Variants in SLCO4A1 observed in about 807,000 individuals in gnomAD.
SLCO4A1 encodes solute carrier organic anion transporter family member 4A1, also known as colon organic anion transporter.
Under a neutral mutation model 64.6 loss-of-function variants are expected in SLCO4A1, and 51 were observed. The ratio of observed to expected loss-of-function variants is 0.79; its 90% CI spans 0.63 to 1.00. The LOEUF (loss-of-function observed/expected upper bound fraction) is 1.00. SLCO4A1 is among the 50% of genes least tolerant of loss of function. The pLI is 0.00. For missense variants in SLCO4A1, 919 were observed against 980.5 expected (o/e 0.94, Z 0.84); for synonymous variants, 471 against 444.9 (o/e 1.06, Z -0.74).
downstream of SLCO4A1, among the ~76,000 whole-genome samples, chr20:62,673,369 A>T (rs1372075626): frequency 4.2e-5 from 6 of 143,346 alleles, no homozygotes; most frequent in African/African-American, 1.5e-4. Flanking sequence ...TGCCATGTTC[A>T]TCAGGAGTCC....
chr20:62,646,553 T>G (rs1981370011), intron 1 of SLCO4A1, among the ~76,000 whole-genome samples: 1 of 152,172 alleles, frequency 6.6e-6, no homozygotes, highest in Non-Finnish European at 1.5e-5. Context: ...ACCCCAGCCA[T>G]GGAAGGAGGC....
At chr20:62,664,747 G>A (rs569968752) in intron 5 of SLCO4A1, among the ~76,000 whole-genome samples, 187 bp from the exon 6 acceptor site, 62 of 152,220 alleles carry the variant, frequency 4.1e-4, no homozygotes, top group Non-Finnish European at 7.6e-4. Context: ...TAATCAGACC[G>A]GGGAGCTGAC....
intron 1 of SLCO4A1, 27 bp from the exon 2 acceptor site, chr20:62,656,332 C>A: frequency 1.2e-6 from 1 of 824,130 alleles, no homozygotes; most frequent in Non-Finnish European, 1.8e-6. Flanking sequence ...GAGACGTGAG[C>A]TTGCTAACCA....
chr20:62,685,068 C>T lies in SLCO4A1; in HGVS notation n.212-373C>T, dbSNP rs1000562525. ...AGGGGCCAAGGGTCTGGGGTGAGGC[C>T]ACAGTGCATGGAGTGCATGGAGGTT... On this transcript the variant is annotated intron_variant and non_coding_transcript_variant, in intron 2 of 2. Transcript: ENST00000466818. The surrounding 1 kb of genome is among the most constrained non-coding windows in gnomAD (Gnocchi z 4.6). Among the ~76,000 whole-genome samples the T allele has an allele frequency of 1.3e-5, 2 of 152,076 alleles. No individual in the cohort carries two copies. The highest frequency in any genetic ancestry group is 6.5e-5 in the Admixed American group (1 of 15,268).
Position 62,656,867 on chromosome 20 carries a change from A to G in SLCO4A1, c.413A>G (p.His138Arg). The G allele has an allele frequency of 1.3e-6, 2 of 1,593,690 alleles. No homozygotes were observed. Among genetic ancestry groups the G allele is most frequent in the Non-Finnish European group, 1.7e-6 (2 of 1,165,456 alleles). The change falls in exon 2 of 12, where the codon CAC (histidine) becomes CGC (arginine). Residue 138 changes from histidine to arginine, a missense_variant. Transcript: ENST00000217159. ...ITSLERRYDL[H>R]SYQSGLIASS... ...TCCCTGGAGCGCCGCTATGACCTGC[A>G]CAGCTACCAGAGCGGGCTCATCGCC...
chr20:62,654,141 C>A (rs1983183025), intron 1 of SLCO4A1, among the ~76,000 whole-genome samples: 1 of 152,196 alleles, frequency 6.6e-6, no homozygotes, highest in African/African-American at 2.4e-5. Flanking sequence ...TCCTTCCTGC[C>A]CCCAGTGGCT....
chr20:62,655,872 A>G (rs1983608304), intron 1 of SLCO4A1, among the ~76,000 whole-genome samples: 1 of 152,206 alleles, frequency 6.6e-6, no homozygotes. Context: ...GAACAAGGTC[A>G]GGCTCCAGGA....
chr20:62,671,817 G>T lies in SLCO4A1; in HGVS notation c.2093G>T (p.Gly698Val). The change falls in exon 12 of 12, where the codon GGC (glycine) becomes GTC (valine). Residue 698 changes from glycine to valine, a missense_variant. Physicochemically the swap from Gly to Val is moderately radical, Grantham distance 109. Coordinates refer to ENST00000217159, the MANE Select transcript of SLCO4A1 (RefSeq NM_016354.4). ...AAGCCCCTGTCGGAGTCTTCAGATG[G>T]CCTGGAAACTTGTCTGCCCAGCCAG... ...LYKPLSESSD[G>V]LETCLPSQSS... 1 of 1,613,518 alleles carries T rather than the reference G, an allele frequency of 6.2e-7. No homozygotes were observed. Among genetic ancestry groups the T allele is most frequent in the Non-Finnish European group, 8.5e-7 (1 of 1,180,018 alleles).
Position 62,682,228 on chromosome 20 carries a change from G to A in SLCO4A1, n.212-3213G>A, listed in dbSNP as rs111939767. Among the ~76,000 whole-genome samples, 429 of 152,346 alleles carry A rather than the reference G, an allele frequency of 2.8e-3. 3 individuals carry two copies. Among genetic ancestry groups the A allele is most frequent in the Middle Eastern group, 0.01 (3 of 294 alleles). On this transcript the variant is annotated intron_variant and non_coding_transcript_variant, in intron 2 of 2. Coordinates refer to the SLCO4A1 transcript ENST00000466818. Reference sequence around the variant, plus strand: ...GATGGAGAAGGGGGTGCACCTGGGAGCCGTACGCCTGCAGCACCTTGTCCA... The same window carrying A: ...GATGGAGAAGGGGGTGCACCTGGGAACCGTACGCCTGCAGCACCTTGTCCA...
At chr20:62,689,262 T>G (rs4589817), downstream of SLCO4A1, among the ~76,000 whole-genome samples, 241 of 84,004 alleles carry the variant, frequency 2.9e-3, no homozygotes, top group Middle Eastern at 5.2e-3. Flanking sequence ...TGTGTCCCGT[T>G]CCTCGCAGGC....
intron 2 of SLCO4A1, among the ~76,000 whole-genome samples, chr20:62,683,062 A>T (rs1437242868): frequency 6.6e-6 from 1 of 152,224 alleles, no homozygotes; most frequent in African/African-American, 2.4e-5. Context: ...GGAACACAAA[A>T]GATGAACCAT....
rs142476218 is a variant in SLCO4A1 at position 62,679,078 on chromosome 20, C to A, written n.212-6363C>A. ...TACTGAAAATACAAAAATTAGCATG[C>A]CTGTAATCCCAGCTACTGCAGAGGC... On this transcript the variant is annotated intron_variant and non_coding_transcript_variant, in intron 2 of 2. Coordinates refer to the SLCO4A1 transcript ENST00000466818. 1.4e-3 allele frequency among the ~76,000 whole-genome samples: 216 copies of A among 152,176 alleles called. 2 individuals carry two copies. The highest frequency in any genetic ancestry group is 5.0e-3 in the African/African-American group (207 of 41,532).
downstream of SLCO4A1, among the ~76,000 whole-genome samples, chr20:62,687,906 C>T (rs1022297945): frequency 1.3e-5 from 2 of 152,142 alleles, no homozygotes; most frequent in African/African-American, 4.8e-5. Flanking sequence ...CAGGGGATCC[C>T]CACTCACCTC....
chr20:62,660,124 C>T (rs1466138434), intron 3 of SLCO4A1, among the ~76,000 whole-genome samples: 1 of 152,194 alleles, frequency 6.6e-6, no homozygotes, highest in South Asian at 2.1e-4. Context: ...GTGCCCAACC[C>T]CACCGTGGTC....
chr20:62,657,225 G>T lies in SLCO4A1; in HGVS notation c.771G>T (p.Lys257Asn). Residue 257 changes from lysine to asparagine, a missense_variant, in exon 2 of 12, where the codon AAG becomes AAT. By Grantham distance (94) the Lys-to-Asn change is moderately conservative. Coordinates refer to ENST00000217159, the MANE Select transcript of SLCO4A1 (RefSeq NM_016354.4). ...LGVTYLDENV[K>N]SSCSPVYIAI... ...TCACCTACCTGGATGAGAACGTCAA[G>T]TCCAGCTGCTCGCCCGTCTACATTG... The T allele has an allele frequency of 6.5e-7, 1 of 1,537,152 alleles. No homozygotes were observed. The highest frequency in any genetic ancestry group is 1.2e-5 in the South Asian group (1 of 83,762).
chr20:62,667,558 C>T (rs1986584746), intron 7 of SLCO4A1, 187 bp from the exon 8 acceptor site: 1 of 654,782 alleles, frequency 1.5e-6, no homozygotes, highest in Non-Finnish European at 2.6e-6. Context: ...GAGGAAAAAC[C>T]ATTCTATCAC....
intron 1 of SLCO4A1, among the ~76,000 whole-genome samples, chr20:62,646,064 G>A (rs1171949562): frequency 6.6e-6 from 1 of 152,170 alleles, no homozygotes; most frequent in Admixed American, 6.5e-5. Context: ...GTGCCAGGCA[G>A]GTTCCTCATC....
intron 1 of SLCO4A1, among the ~76,000 whole-genome samples, chr20:62,653,270 TG>T (rs1982955362): frequency 6.6e-6 from 1 of 152,080 alleles, no homozygotes; most frequent in South Asian, 2.1e-4. Flanking sequence ...AGCCCAGCTT[TG>T]GGGGCTCAAT....
At chr20:62,668,894 C>T (rs1391769768) in intron 10 of SLCO4A1, 36 bp from the exon 11 acceptor site, 1 of 1,589,894 alleles carries the variant, frequency 6.3e-7, no homozygotes, top group Non-Finnish European at 8.5e-7. Context: ...CCCTACCCAC[C>T]AGGAGTGTGG....
Sources: allele counts gnomAD v4.1 joint callset (sites outside exome capture counted in the v4.1 genomes callset), GRCh38; gene constraint gnomAD v4.1.1; non-coding constraint Gnocchi (gnomAD v3.1); transcripts MANE v1.5; gene names NCBI Gene and HGNC (gene_info 2026-07-23, HGNC 2026-07-21).